LIPA: variants seen among roughly 807,000 people sequenced by gnomAD.
LIPA encodes the protein lipase A, lysosomal acid type, also known as lysosomal acid lipase/cholesteryl ester hydrolase.
A neutral mutation model predicts 40.6 loss-of-function variants in LIPA; 26 were observed. The ratio of observed to expected loss-of-function variants is 0.64; its 90% confidence interval spans 0.47 to 0.89. The LOEUF (loss-of-function observed/expected upper bound fraction) is 0.89, where lower values mean the gene tolerates loss of function less well. Among genes scored for constraint, LIPA ranks in the 40% least tolerant of loss-of-function variants. The pLI, the probability that LIPA is intolerant of heterozygous loss-of-function variation, is 0.00. For synonymous variants in LIPA, 188 were observed against 168.4 expected (o/e 1.12, Z -0.90); for missense variants, 455 against 479.6 (o/e 0.95, Z 0.48).
rs138213279 is a variant in LIPA at position 89,219,697 on chromosome 10, C to T, written c.894+2814G>A. 2.8e-3 allele frequency among the ~76,000 whole-genome samples: 420 copies of T among 152,330 alleles called. 1 individual carries two copies. The highest frequency in any genetic ancestry group is 9.2e-3 in the African/African-American group (383 of 41,574). On this transcript the variant is annotated intron_variant, in intron 8 of 9. Transcript: ENST00000336233. ...GCCCAGCTTCCACAGAAGCCTTTTC[C>T]TGCACTGCCTCTTGGAGCCTGCAGC...
intron 1 of LIPA, among the ~76,000 whole-genome samples, chr10:89,334,862 C>T (rs1843711332): frequency 6.6e-6 from 1 of 152,036 alleles, no homozygotes; most frequent in Admixed American, 6.6e-5. Context: ...TAAATATCTG[C>T]ATTAATTACT....
chr10:89,294,143 A>G (rs1408923358), intron 1 of LIPA, among the ~76,000 whole-genome samples: 1 of 152,234 alleles, frequency 6.6e-6, no homozygotes, highest in Non-Finnish European at 1.5e-5. Context: ...GCAGAAGTTT[A>G]TTTAGCATGG....
At chr10:89,413,376 C>A (rs938647959) in intron 1 of LIPA, among the ~76,000 whole-genome samples, 8 of 152,028 alleles carry the variant, frequency 5.3e-5, no homozygotes, top group African/African-American at 1.7e-4. Context: ...GCTTCAGGCA[C>A]TAAGTTTTGA....
intron 1 of LIPA, among the ~76,000 whole-genome samples, chr10:89,334,646 C>G (rs894108601): frequency 2.0e-5 from 3 of 151,688 alleles, no homozygotes; most frequent in Non-Finnish European, 2.9e-5. Context: ...GCGCCTGCCA[C>G]CACGCCCGGC....
At chr10:89,324,973 T>C (rs1402823939) in intron 1 of LIPA, among the ~76,000 whole-genome samples, 1 of 152,128 alleles carries the variant, frequency 6.6e-6, no homozygotes, top group Non-Finnish European at 1.5e-5. Flanking sequence ...GCAATAAACA[T>C]ATGAACCAAC....
intron 2 of LIPA, among the ~76,000 whole-genome samples, chr10:89,351,256 C>T (rs903214225): frequency 1.3e-5 from 2 of 152,204 alleles, no homozygotes; most frequent in Non-Finnish European, 2.9e-5. Context: ...GTTGAGGCTA[C>T]AGTCAGCTGT....
At chr10:89,363,875 T>C (rs967639421) in intron 2 of LIPA, among the ~76,000 whole-genome samples, 2 of 151,986 alleles carry the variant, frequency 1.3e-5, no homozygotes, top group Non-Finnish European at 2.9e-5. Context: ...CTGAATTGGC[T>C]AACAGGCAAG....
At chr10:89,398,852 T>C (rs2133623197) in intron 2 of LIPA, among the ~76,000 whole-genome samples, 1 of 152,352 alleles carries the variant, frequency 6.6e-6, no homozygotes, top group African/African-American at 2.4e-5. Flanking sequence ...ATAAATAATC[T>C]GCTTGAGTCT....
In LIPA at chr10:89,277,964, G is replaced by C. The variant is rs79056317; in HGVS notation, c.-1-30315C>G. On this transcript the variant is annotated intron_variant, in intron 1 of 5. Transcript: ENST00000282673. ...TTACAAAGGTAACTTGGAAACACAG[G>C]GGTCTACATAATACGAGGTATAAGG... The C allele has an allele frequency of 4.5e-3, 680 of 152,146 alleles. 5 individuals are homozygous for C. The highest frequency in any genetic ancestry group is 0.016 in the African/African-American group (650 of 41,482). The allele number at this position is 152,146 out of a possible 1,614,324, so 9.4% of individuals were successfully genotyped here.
At chr10:89,343,112 C>T (rs1194684082), upstream of LIPA, among the ~76,000 whole-genome samples, 1 of 152,148 alleles carries the variant, frequency 6.6e-6, no homozygotes, top group Non-Finnish European at 1.5e-5. Flanking sequence ...ATGGCTGACA[C>T]TCCTATAACA....
Position 89,299,376 on chromosome 10 carries a change from T to A in LIPA, c.-2+43235A>T, listed in dbSNP as rs1420549480. Among the ~76,000 whole-genome samples the A allele has an allele frequency of 1.3e-5, 2 of 152,034 alleles. 1 individual carries two copies. The highest frequency in any genetic ancestry group is 2.9e-5 in the Non-Finnish European group (2 of 68,012). On this transcript the variant is annotated intron_variant, in intron 1 of 5. Coordinates refer to the LIPA transcript ENST00000282673. ...TGGGACACCATAAGGTGACCAAATA[T>A]ATGAATTATCAGTATCTCCAAAGGC...
intron 9 of LIPA, among the ~76,000 whole-genome samples, chr10:89,215,328 G>A (rs73369907): frequency 0.011 from 1,663 of 152,248 alleles, 21 homozygotes; most frequent in African/African-American, 0.036. Context: ...TTTAATCCCC[G>A]GCAAGGAAGG....
upstream of LIPA, among the ~76,000 whole-genome samples, chr10:89,345,786 G>C (rs1440727636): frequency 6.6e-6 from 1 of 152,168 alleles, no homozygotes. Context: ...AAAATCAACA[G>C]AGATATTCAG....
chr10:89,246,746 T>C (rs1381202147), intron 2 of LIPA, among the ~76,000 whole-genome samples: 1 of 152,218 alleles, frequency 6.6e-6, no homozygotes. Flanking sequence ...AACTTTCAGA[T>C]GTTTTAATTA....
intron 1 of LIPA, among the ~76,000 whole-genome samples, chr10:89,262,337 CAA>C (rs1843215050): frequency 6.6e-6 from 1 of 152,178 alleles, no homozygotes; most frequent in South Asian, 2.1e-4. Flanking sequence ...TCAGTGGCTT[CAA>C]GTCATCCCTG....
intron 1 of LIPA, among the ~76,000 whole-genome samples, chr10:89,311,666 G>T (rs1455774405): frequency 3.9e-5 from 6 of 151,950 alleles, no homozygotes; most frequent in African/African-American, 1.5e-4. Flanking sequence ...GAAAACTAGA[G>T]TTCACTAGAA....
chr10:89,279,364 G>C (rs191702365), intron 1 of LIPA, among the ~76,000 whole-genome samples: 1 of 152,208 alleles, frequency 6.6e-6, no homozygotes, highest in African/African-American at 2.4e-5. Context: ...GAATGAATTA[G>C]CAGATAAATG....
At chr10:89,344,452 G>A (rs1158655462), upstream of LIPA, among the ~76,000 whole-genome samples, 1 of 152,150 alleles carries the variant, frequency 6.6e-6, no homozygotes, top group Non-Finnish European at 1.5e-5. Context: ...TTAAACTGGA[G>A]AACAAACTCC....
At chr10:89,393,704 T>C (rs1184957733) in intron 2 of LIPA, among the ~76,000 whole-genome samples, 1 of 152,232 alleles carries the variant, frequency 6.6e-6, no homozygotes, top group Admixed American at 6.5e-5. Flanking sequence ...CACTCCAGCC[T>C]GGGCAACAGA....
Sources: allele counts gnomAD v4.1 joint callset (sites outside exome capture counted in the v4.1 genomes callset), GRCh38; gene constraint gnomAD v4.1.1; transcripts MANE v1.5; gene names NCBI Gene and HGNC (gene_info 2026-07-23, HGNC 2026-07-21).